PPP5C: variants seen among roughly 807,000 people sequenced by gnomAD.
The protein encoded by PPP5C is protein phosphatase 5 catalytic subunit.
A neutral mutation model predicts 66.7 loss-of-function variants in PPP5C; 21 were observed. That is an observed-to-expected ratio of 0.31 (90% CI 0.22 to 0.45). The LOEUF (loss-of-function observed/expected upper bound fraction) is 0.45, where lower values mean the gene tolerates loss of function less well. Among genes scored for constraint, PPP5C ranks in the 20% least tolerant of loss-of-function variants. The pLI is 1.00. For missense variants in PPP5C, 464 were observed against 675.9 expected (o/e 0.69, Z 3.48); for synonymous variants, 246 against 257.4 (o/e 0.96, Z 0.43).
intron 4 of PPP5C, among the ~76,000 whole-genome samples, chr19:46,377,199 T>G (rs910129851): frequency 1.3e-5 from 2 of 152,182 alleles, no homozygotes; most frequent in African/African-American, 4.8e-5. Flanking sequence ...GCAGGCAATA[T>G]GGGAAGCCGC....
chr19:46,355,917 C>A (rs1271019711), intron 2 of PPP5C, among the ~76,000 whole-genome samples: 3 of 152,084 alleles, frequency 2.0e-5, no homozygotes, highest in African/African-American at 7.2e-5. Flanking sequence ...GCAGGAGCAT[C>A]TTTCCCCAGG....
Position 46,387,362 on chromosome 19 carries a change from C to G in PPP5C, c.1048-4C>G. 1 of 1,607,504 alleles carries G rather than the reference C, an allele frequency of 6.2e-7. No homozygotes were observed. Among genetic ancestry groups the G allele is most frequent in the Non-Finnish European group, 8.5e-7 (1 of 1,174,748 alleles). ...CCTCACAGCGGCATCCCCCATCTCCCCAGATCATGCACGGAGGCCTGTTCA... is the reference window on the plus strand; with the variant it reads ...CCTCACAGCGGCATCCCCCATCTCCGCAGATCATGCACGGAGGCCTGTTCA... On this transcript the variant is annotated splice_polypyrimidine_tract_variant and splice_region_variant and intron_variant, in intron 8 of 12. Coordinates refer to ENST00000012443, the MANE Select transcript of PPP5C (RefSeq NM_006247.4).
chr19:46,364,367 G>A (rs1433234746), intron 2 of PPP5C, among the ~76,000 whole-genome samples: 3 of 152,132 alleles, frequency 2.0e-5, no homozygotes, highest in Non-Finnish European at 2.9e-5. Flanking sequence ...TGTAATCCCA[G>A]TATTTTGGGA....
Position 46,388,285 on chromosome 19 carries a change from C to T in PPP5C, c.1136-123C>T, listed in dbSNP as rs549059217. On this transcript the variant is annotated intron_variant, in intron 9 of 12. Transcript: ENST00000012443. The surrounding 1 kb of genome is among the most constrained non-coding windows in gnomAD (Gnocchi z 4.9). ...TGTCCATGTCCATGCTGGATGTCCC[C>T]TGCCCAACACCCACCCAGGCTGGGC... 9 of 1,080,662 alleles carry T rather than the reference C, an allele frequency of 8.3e-6. No individual in the cohort carries two copies. The highest frequency in any genetic ancestry group is 1.2e-5 in the Non-Finnish European group (9 of 763,616). The allele number at this position is 1,080,662 out of a possible 1,614,324, so 66.9% of individuals were successfully genotyped here.
chr19:46,347,773 G>A (rs556008045), intron 1 of PPP5C, among the ~76,000 whole-genome samples: 1 of 152,206 alleles, frequency 6.6e-6, no homozygotes, highest in East Asian at 1.9e-4. Flanking sequence ...GTATCACTTA[G>A]AATATTGAGA....
At chr19:46,356,880 G>A (rs1162292691) in intron 2 of PPP5C, among the ~76,000 whole-genome samples, 2 of 152,180 alleles carry the variant, frequency 1.3e-5, no homozygotes, top group African/African-American at 2.4e-5. Flanking sequence ...CAGTGCAGGG[G>A]CTAGATGGGG....
intron 2 of PPP5C, among the ~76,000 whole-genome samples, chr19:46,361,424 T>C (rs62136104): frequency 0.56 from 80,517 of 144,940 alleles, 22,508 homozygotes; most frequent in South Asian, 0.73. Flanking sequence ...CCACTGCGCC[T>C]GGCTGAAAAA....
At position 46,372,371 on chromosome 19, in the gene PPP5C, TTTG is replaced by T. The variant is rs374299722; in HGVS notation, c.364-3221_364-3219del. 2.4e-3 allele frequency among the ~76,000 whole-genome samples: 354 copies of T among 150,492 alleles called. 1 individual carries two copies. Among genetic ancestry groups the T allele is most frequent in the Middle Eastern group, 0.01 (3 of 294 alleles). Reference sequence around the variant, plus strand: ...ATGCACCACCATACCTGGCTAGCTTTTTGTTGTTGTTGTTATTTTTTTCTAGAG... The same window carrying T: ...ATGCACCACCATACCTGGCTAGCTTTTTGTTGTTGTTATTTTTTTCTAGAG... On this transcript the variant is annotated intron_variant, in intron 2 of 12. Coordinates refer to ENST00000012443, the MANE Select transcript of PPP5C (RefSeq NM_006247.4).
chr19:46,361,589 TAAAAAAAAA>T (rs935838226), intron 2 of PPP5C, among the ~76,000 whole-genome samples: 6 of 85,272 alleles, frequency 7.0e-5, no homozygotes, highest in East Asian at 7.2e-4. Context: ...TACTAAAAAT[TAAAAAAAAA>T]AAAAAAAAAA....
chr19:46,389,460 C>CACACACACACAG (rs1568580025), intron 11 of PPP5C, among the ~76,000 whole-genome samples: 2 of 120,808 alleles, frequency 1.7e-5, no homozygotes, highest in African/African-American at 3.4e-5. Context: ...CACACACACA[C>CACACACACACAG]AGTGTTGATC....
chr19:46,377,835 A>C (rs1220925087), intron 4 of PPP5C, among the ~76,000 whole-genome samples: 1 of 152,256 alleles, frequency 6.6e-6, no homozygotes, highest in African/African-American at 2.4e-5. Flanking sequence ...CGGTAGCTCA[A>C]GTCCTCCATT....
intron 1 of PPP5C, among the ~76,000 whole-genome samples, chr19:46,349,165 A>G (rs1297288513): frequency 2.0e-5 from 3 of 152,102 alleles, no homozygotes; most frequent in Non-Finnish European, 4.4e-5. Context: ...GTGGTGGCAC[A>G]CACCTGTAGT....
chr19:46,354,006 GC>G lies in PPP5C; in HGVS notation c.363+19del. 3.1e-6 allele frequency: 5 copies of G among 1,608,344 alleles called. No individual in the cohort carries two copies. The highest frequency in any genetic ancestry group is 4.2e-6 in the Non-Finnish European group (5 of 1,178,550). The stretch of plus-strand genomic sequence containing the variant: ...TACGAGACGGTGAGCTGGGGAGTGG[GC>G]CAGGCCTGGCACCTGAGCCAGGCAG... On this transcript the variant is annotated intron_variant, in intron 2 of 12. Coordinates refer to ENST00000012443, the MANE Select transcript of PPP5C (RefSeq NM_006247.4).
At chr19:46,353,703 G>C in intron 1 of PPP5C, 45 bp from the exon 2 acceptor site, 1 of 1,610,270 alleles carries the variant, frequency 6.2e-7, no homozygotes, top group South Asian at 1.1e-5. Context: ...GCCTGTCCTC[G>C]CAGGGTTGGA....
chr19:46,390,692 C>T lies in PPP5C; in HGVS notation c.*346C>T. On this transcript the variant is annotated 3_prime_UTR_variant, in exon 13 of 13. Transcript: ENST00000012443. ...CCTCCCCCACTCAAGCAATAGGGCC[C>T]CGCCATAGGAAGACCCCCAGAGAGA... The T allele has an allele frequency of 8.3e-7, 1 of 1,208,322 alleles. No individual in the cohort carries two copies. The highest frequency in any genetic ancestry group is 1.8e-5 in the South Asian group (1 of 55,698). 74.9% of individuals were successfully genotyped at this position (1,208,322 alleles called of 1,614,324 possible). A position where few individuals can be genotyped will look rare whatever the true frequency, so the allele number is the denominator to read the frequency against.
intron 2 of PPP5C, among the ~76,000 whole-genome samples, chr19:46,371,332 C>T (rs758628659): frequency 9.9e-5 from 15 of 152,170 alleles, no homozygotes; most frequent in Middle Eastern, 3.2e-3. Context: ...GCCTGTACAC[C>T]TACAGCATGG....
In PPP5C at chr19:46,376,654, A is replaced by C; in HGVS notation, c.633+80A>C. On this transcript the variant is annotated intron_variant, in intron 4 of 12. Coordinates refer to ENST00000012443, the MANE Select transcript of PPP5C (RefSeq NM_006247.4). The surrounding 1 kb of genome is among the most constrained non-coding windows in gnomAD (Gnocchi z 5.1). Reference sequence around the variant, plus strand: ...ACTGCCAGCCGCGGGCACTGAGCAAAACGACAGGAGAAGGGCGGCCATGAC... The same window carrying C: ...ACTGCCAGCCGCGGGCACTGAGCAACACGACAGGAGAAGGGCGGCCATGAC... The C allele has an allele frequency of 2.6e-6, 4 of 1,556,152 alleles. No individual in the cohort carries two copies. Among genetic ancestry groups the C allele is most frequent in the Non-Finnish European group, 1.7e-6 (2 of 1,147,630 alleles).
Position 46,347,092 on chromosome 19 carries a change from G to T in PPP5C, c.-5G>T. 1 of 1,598,756 alleles carries T rather than the reference G, an allele frequency of 6.3e-7. No homozygotes were observed. Among genetic ancestry groups the T allele is most frequent in the African/African-American group, 1.3e-5 (1 of 74,722 alleles). On this transcript the variant is annotated 5_prime_UTR_variant, in exon 1 of 13. Transcript: ENST00000012443. ...CCGTTGCCAGGGTAGGGGTCGCTTT[G>T]CGGCATGGCGATGGCGGAGGGCGAG...
chr19:46,366,372 AT>A (rs1159130660), intron 2 of PPP5C, among the ~76,000 whole-genome samples: 1 of 151,882 alleles, frequency 6.6e-6, no homozygotes, highest in Non-Finnish European at 1.5e-5. Flanking sequence ...TAGAGACAGA[AT>A]TTTACTCTGT....
Sources: allele counts gnomAD v4.1 joint callset (sites outside exome capture counted in the v4.1 genomes callset), GRCh38; gene constraint gnomAD v4.1.1; non-coding constraint Gnocchi (gnomAD v3.1); transcripts MANE v1.5; gene names NCBI Gene and HGNC (gene_info 2026-07-23, HGNC 2026-07-21).